SPMIP4: variants seen among roughly 807,000 people sequenced by gnomAD.
SPMIP4 encodes the protein sperm microtubule inner protein 4, also known as sperm-associated microtubule inner protein 4.
At chr7:25,142,021 G>A in the SPMIP4 span, among the ~76,000 whole-genome samples, 1 of 152,168 alleles carries the variant, frequency 6.6e-6, no homozygotes, top group African/African-American at 2.4e-5. Context: ...CAGGTGTGAG[G>A]CACTGCGCCT....
At chr7:25,138,581 CAAT>C in the SPMIP4 span, among the ~76,000 whole-genome samples, 4 of 152,050 alleles carry the variant, frequency 2.6e-5, no homozygotes, top group African/African-American at 9.7e-5. This position sits in a 1 kb window ranked among gnomAD's most constrained non-coding sequence, Gnocchi z 6.2. Context: ...AAAATAACCA[CAAT>C]GAGTTAATAC....
the SPMIP4 span, among the ~76,000 whole-genome samples, chr7:25,128,177 G>T: frequency 6.6e-6 from 1 of 152,216 alleles, no homozygotes; most frequent in African/African-American, 2.4e-5. The surrounding 1 kb of genome is among the most constrained non-coding windows in gnomAD (Gnocchi z 4.5). Flanking sequence ...ACTGGGTCTG[G>T]TCCAAGGCTT....
chr7:25,134,163 G>T, the SPMIP4 span, among the ~76,000 whole-genome samples: 1 of 151,982 alleles, frequency 6.6e-6, no homozygotes, highest in Non-Finnish European at 1.5e-5. Context: ...GGGAGGCTGA[G>T]GCAGGAGAAT....
the SPMIP4 span, among the ~76,000 whole-genome samples, chr7:25,155,985 T>C: frequency 6.6e-6 from 1 of 152,212 alleles, no homozygotes; most frequent in East Asian, 1.9e-4. Context: ...CTCATCCATA[T>C]ATTGAAATCC....
chr7:25,133,484 G>GA, the SPMIP4 span, among the ~76,000 whole-genome samples: 2 of 152,230 alleles, frequency 1.3e-5, no homozygotes, highest in Non-Finnish European at 2.9e-5. Flanking sequence ...AGTGAGGATA[G>GA]AATGGTTCAA....
the SPMIP4 span, chr7:25,135,020 T>C: frequency 2.6e-6 from 2 of 762,910 alleles, no homozygotes; most frequent in Non-Finnish European, 3.2e-6. Context: ...ATGTTGGTCA[T>C]AAAATTAAAA....
chr7:25,149,345 G>C, the SPMIP4 span, among the ~76,000 whole-genome samples: 1 of 152,130 alleles, frequency 6.6e-6, no homozygotes, highest in Non-Finnish European at 1.5e-5. Context: ...CAAGTATAGG[G>C]TATTATCCTA....
At chr7:25,179,420 G>A in the SPMIP4 span, 1 of 1,190,326 alleles carries the variant, frequency 8.4e-7, no homozygotes, top group Non-Finnish European at 1.2e-6. Context: ...TCAACCTGAC[G>A]CTGCACAGAC....
chr7:25,170,173 A>G, the SPMIP4 span, among the ~76,000 whole-genome samples: 1 of 148,496 alleles, frequency 6.7e-6, no homozygotes, highest in African/African-American at 2.6e-5. Context: ...TGAGGATTCC[A>G]GTATCTCCAC....
chr7:25,139,424 G>A, the SPMIP4 span, among the ~76,000 whole-genome samples: 1 of 151,212 alleles, frequency 6.6e-6, no homozygotes, highest in Non-Finnish European at 1.5e-5. Context: ...TTACTTTTCT[G>A]TATGTTTCAA....
chr7:25,178,799 G>C, the SPMIP4 span, among the ~76,000 whole-genome samples: 3,824 of 152,246 alleles, frequency 0.025, 67 homozygotes, highest in Non-Finnish European at 0.037. Context: ...AGCACTTTGG[G>C]AGGCCGAGGT....
the SPMIP4 span, chr7:25,158,387 A>AAAAAAAAAT: frequency 4.5e-5 from 34 of 756,050 alleles, no homozygotes; most frequent in East Asian, 7.2e-4. Flanking sequence ...AAAAAAAAAA[A>AAAAAAAAAT]AGAAACGTTT....
the SPMIP4 span, chr7:25,135,583 T>G: frequency 1.1e-6 from 1 of 895,552 alleles, no homozygotes; most frequent in East Asian, 1.2e-4. Flanking sequence ...ATAATTTGTA[T>G]AGTCATTCAT....
At chr7:25,162,723 A>C in the SPMIP4 span, among the ~76,000 whole-genome samples, 1 of 152,192 alleles carries the variant, frequency 6.6e-6, no homozygotes, top group Non-Finnish European at 1.5e-5. Flanking sequence ...AAGGTTTAAA[A>C]AAATCCCTAT....
At chr7:25,145,286 T>C in the SPMIP4 span, among the ~76,000 whole-genome samples, 1 of 152,138 alleles carries the variant, frequency 6.6e-6, no homozygotes. Context: ...TAAAAAAATA[T>C]TGTTCTATGA....
the SPMIP4 span, among the ~76,000 whole-genome samples, chr7:25,166,384 G>A: frequency 6.6e-6 from 1 of 151,792 alleles, no homozygotes; most frequent in East Asian, 1.9e-4. Flanking sequence ...TCAGGAGATC[G>A]AGACCATCCT....
chr7:25,168,130 T>C, the SPMIP4 span, among the ~76,000 whole-genome samples: 2 of 152,274 alleles, frequency 1.3e-5, no homozygotes, highest in African/African-American at 4.8e-5. Context: ...CATTTATTAT[T>C]ATTTCACAAT....
At chr7:25,136,527 C>G in the SPMIP4 span, 1 of 1,614,156 alleles carries the variant, frequency 6.2e-7, no homozygotes, top group Non-Finnish European at 8.5e-7. The surrounding 1 kb of genome is among the most constrained non-coding windows in gnomAD (Gnocchi z 5.7). Flanking sequence ...CATAGGTAGA[C>G]AGCAAGCTCT....
the SPMIP4 span, among the ~76,000 whole-genome samples, chr7:25,166,858 G>C: frequency 6.6e-6 from 1 of 151,964 alleles, no homozygotes; most frequent in African/African-American, 2.4e-5. Context: ...TCATGCCACT[G>C]CACTCCAGCC....
Sources: allele counts gnomAD v4.1 joint callset (sites outside exome capture counted in the v4.1 genomes callset), GRCh38; gene constraint gnomAD v4.1.1; non-coding constraint Gnocchi (gnomAD v3.1); transcripts MANE v1.5; gene names NCBI Gene and HGNC (gene_info 2026-07-23, HGNC 2026-07-21).